GMPS: variants seen among roughly 807,000 people sequenced by gnomAD.
GMPS encodes the protein guanosine monophosphate synthase.
In GMPS, 15 loss-of-function variants were observed where a neutral mutation model predicts 77.9. The observed-to-expected ratio is 0.19, with a 90% confidence interval of 0.13 to 0.30. The LOEUF is 0.30. Ranked by LOEUF, GMPS falls within the 10% of genes least tolerant of loss-of-function variation. The pLI, the probability that GMPS is intolerant of heterozygous loss-of-function variation, is 1.00. For missense variants in GMPS, 590 were observed against 838.8 expected (o/e 0.70, Z 3.66); for synonymous variants, 224 against 275.9 (o/e 0.81, Z 1.86).
At chr3:155,872,549 G>C (rs1488634258) in intron 1 of GMPS, among the ~76,000 whole-genome samples, 1 of 152,220 alleles carries the variant, frequency 6.6e-6, no homozygotes, top group East Asian at 1.9e-4. Context: ...TAGTGCATTT[G>C]AGAGGAGTAT....
intron 1 of GMPS, among the ~76,000 whole-genome samples, chr3:155,882,292 A>G (rs1400353799): frequency 6.6e-6 from 1 of 152,204 alleles, no homozygotes; most frequent in Non-Finnish European, 1.5e-5. Flanking sequence ...AATTGAAAAC[A>G]TTTGCATAAG....
chr3:155,889,685 C>T (rs766520825), intron 1 of GMPS, among the ~76,000 whole-genome samples: 5 of 152,206 alleles, frequency 3.3e-5, no homozygotes, highest in Non-Finnish European at 7.3e-5. Flanking sequence ...TTTCCATAAA[C>T]ATTTCCATCT....
chr3:155,928,686 C>T (rs1187886907), intron 12 of GMPS, among the ~76,000 whole-genome samples: 1 of 108,456 alleles, frequency 9.2e-6, no homozygotes, highest in Non-Finnish European at 1.8e-5. Context: ...TCCCTCCCCC[C>T]TCCCCCCACC....
intron 14 of GMPS, among the ~76,000 whole-genome samples, chr3:155,936,035 C>A (rs1333060950): frequency 6.6e-6 from 1 of 152,100 alleles, no homozygotes; most frequent in Non-Finnish European, 1.5e-5. Context: ...TTCGCTAATT[C>A]GTTGTTTGCA....
chr3:155,876,137 C>T (rs1754044730), intron 1 of GMPS, among the ~76,000 whole-genome samples: 1 of 152,158 alleles, frequency 6.6e-6, no homozygotes, highest in Admixed American at 6.6e-5. Context: ...CATATAACAT[C>T]TCTTTCCTGC....
chr3:155,899,092 G>A (rs1754669900), intron 3 of GMPS, among the ~76,000 whole-genome samples: 1 of 152,018 alleles, frequency 6.6e-6, no homozygotes, highest in South Asian at 2.1e-4. Context: ...GTTTGGCCAG[G>A]CGCAGTGGCT....
chr3:155,882,439 G>C (rs1200271006), intron 1 of GMPS, among the ~76,000 whole-genome samples: 1 of 152,124 alleles, frequency 6.6e-6, no homozygotes, highest in Admixed American at 6.5e-5. Flanking sequence ...GTTTTTGTAT[G>C]TTAAGCTGCA....
intron 9 of GMPS, among the ~76,000 whole-genome samples, chr3:155,917,600 G>A (rs907753236): frequency 6.6e-6 from 1 of 151,512 alleles, no homozygotes; most frequent in African/African-American, 2.4e-5. Flanking sequence ...TGAAAAATGG[G>A]CCAGGCACAG....
At chr3:155,870,946 C>G in intron 1 of GMPS, 49 bp downstream of exon 1, 4 of 1,413,576 alleles carry the variant, frequency 2.8e-6, no homozygotes, top group Non-Finnish European at 3.7e-6. Context: ...AGGCGAGGCT[C>G]CCGGACCGGG....
chr3:155,901,958 A>G (rs902407989), intron 3 of GMPS, among the ~76,000 whole-genome samples: 2 of 152,108 alleles, frequency 1.3e-5, no homozygotes, highest in Admixed American at 1.3e-4. Context: ...GATTTTGTCA[A>G]ATTATTTTTA....
intron 3 of GMPS, among the ~76,000 whole-genome samples, chr3:155,902,287 A>G (rs1439068527): frequency 1.3e-5 from 2 of 152,198 alleles, no homozygotes; most frequent in African/African-American, 4.8e-5. Flanking sequence ...AGGGCCAAGT[A>G]AGGAAGTCTT....
Position 155,943,583 on chromosome 3 carries a change from T to G in GMPS, c.*5891T>G, listed in dbSNP as rs529692915. ...ATTTTGTTAATTGGAGTAAGTAGTATTGTTATGAAATCACTGTGTAATTGT... is the reference window on the plus strand; with the variant it reads ...ATTTTGTTAATTGGAGTAAGTAGTAGTGTTATGAAATCACTGTGTAATTGT... On this transcript the variant is annotated 3_prime_UTR_variant, in exon 16 of 16. Coordinates refer to ENST00000496455, the MANE Select transcript of GMPS (RefSeq NM_003875.3). 6.6e-4 allele frequency: 118 copies of G among 179,086 alleles called. No individual in the cohort carries two copies. Among genetic ancestry groups the G allele is most frequent in the African/African-American group, 2.7e-3 (115 of 42,492 alleles). 11.1% of individuals were successfully genotyped at this position (179,086 alleles called of 1,614,324 possible).
In GMPS at chr3:155,883,786, G is replaced by GA. The variant is rs540408591; in HGVS notation, c.28-9726dup. Among the ~76,000 whole-genome samples the GA allele has an allele frequency of 2.4e-3, 359 of 152,124 alleles. 1 individual carries two copies. The highest frequency in any genetic ancestry group is 8.5e-3 in the African/African-American group (351 of 41,514). ...TCAAGACAACTAAAGGTGAATGTAA[G>GA]AAAAAACCCAAGGAGTTTAACAGAA... On this transcript the variant is annotated intron_variant, in intron 1 of 15. Coordinates refer to ENST00000496455, the MANE Select transcript of GMPS (RefSeq NM_003875.3).
intron 1 of GMPS, among the ~76,000 whole-genome samples, chr3:155,879,747 T>TC (rs1340014847): frequency 1.4e-5 from 2 of 147,846 alleles, no homozygotes; most frequent in African/African-American, 5.0e-5. Context: ...TTTTTTTTTT[T>TC]TGAGGCGGAG....
At chr3:155,919,101 A>G (rs778918538) in intron 9 of GMPS, 132 bp from the exon 10 acceptor site, 24 of 558,450 alleles carry the variant, frequency 4.3e-5, no homozygotes, top group Non-Finnish European at 7.4e-5. Context: ...ATACTTTAAA[A>G]GATGCATTTT....
At chr3:155,897,165 T>A (rs1027533051) in intron 2 of GMPS, among the ~76,000 whole-genome samples, 7 of 152,172 alleles carry the variant, frequency 4.6e-5, no homozygotes, top group African/African-American at 1.7e-4. Context: ...GTGAAATTCT[T>A]GATATTAAAA....
At chr3:155,902,027 A>G (rs1007639548) in intron 3 of GMPS, among the ~76,000 whole-genome samples, 1 of 152,194 alleles carries the variant, frequency 6.6e-6, no homozygotes, top group African/African-American at 2.4e-5. Flanking sequence ...AAACTTTGAC[A>G]TATAAGAAAG....
chr3:155,942,104 T>G lies in GMPS; in HGVS notation c.*4412T>G, dbSNP rs1334771290. On this transcript the variant is annotated 3_prime_UTR_variant, in exon 16 of 16. Coordinates refer to ENST00000496455, the MANE Select transcript of GMPS (RefSeq NM_003875.3). ...CAAGCATTTACAGTTTTGTTTTGTTTTTTTTTTAAGACAGAGTCTCGCTCT... is the reference window on the plus strand; with the variant it reads ...CAAGCATTTACAGTTTTGTTTTGTTGTTTTTTTAAGACAGAGTCTCGCTCT... The G allele has an allele frequency of 1.0e-5, 2 of 193,666 alleles. No homozygotes were observed. The highest frequency in any genetic ancestry group is 2.1e-5 in the Non-Finnish European group (2 of 93,102). The allele number at this position is 193,666 out of a possible 1,614,324, so 12.0% of individuals were successfully genotyped here.
At chr3:155,928,553 T>C (rs1038331118) in intron 12 of GMPS, among the ~76,000 whole-genome samples, 3 of 151,998 alleles carry the variant, frequency 2.0e-5, no homozygotes, top group African/African-American at 7.2e-5. Flanking sequence ...TTTTTTATTA[T>C]ACTTTAAGTT....
Sources: gnomAD v4.1 joint callset for allele counts (sites outside exome capture counted in the v4.1 genomes callset) on GRCh38, gnomAD v4.1.1 for gene constraint, MANE v1.5 for transcripts, NCBI Gene and HGNC (gene_info 2026-07-23, HGNC 2026-07-21) for gene names.